Variants in ANKS1B observed in about 807,000 individuals in gnomAD.
The protein encoded by ANKS1B is ankyrin repeat and sterile alpha motif domain-containing protein 1B.
A neutral mutation model predicts 148.3 loss-of-function variants in ANKS1B; 36 were observed. That is an observed-to-expected ratio of 0.24 (90% confidence interval 0.19 to 0.32). ANKS1B has a LOEUF of 0.32. ANKS1B is among the 10% of genes least tolerant of loss of function. The probability of loss-of-function intolerance (pLI) is 1.00; values close to 1 mark genes in which losing one functional copy is unlikely to be tolerated. For synonymous variants in ANKS1B, 542 were observed against 560.8 expected (o/e 0.97, Z 0.47); for missense variants, 1,157 against 1,542.6 (o/e 0.75, Z 4.19).
chr12:99,675,852 A>C (rs114034833), intron 8 of ANKS1B, among the ~76,000 whole-genome samples: 156 of 152,284 alleles, frequency 1.0e-3, no homozygotes, highest in African/African-American at 3.7e-3. Context: ...AAATTTCATA[A>C]AATGTTATTG....
chr12:99,837,012 G>C (rs1037192359), intron 1 of ANKS1B, among the ~76,000 whole-genome samples: 3 of 152,140 alleles, frequency 2.0e-5, no homozygotes, highest in Admixed American at 6.6e-5. Context: ...TAAGGTTGCA[G>C]ATAGACTTAC....
intron 8 of ANKS1B, among the ~76,000 whole-genome samples, chr12:99,678,525 G>A (rs1599495621): frequency 6.6e-6 from 1 of 152,096 alleles, no homozygotes; most frequent in African/African-American, 2.4e-5. Flanking sequence ...CCACAAGCAA[G>A]GAGAGAAAAT....
chr12:99,956,966 C>A (rs768237568), intron 1 of ANKS1B, among the ~76,000 whole-genome samples: 3 of 152,202 alleles, frequency 2.0e-5, no homozygotes, highest in Admixed American at 1.3e-4. Context: ...TCAGATGCTA[C>A]AACTACGATT....
At chr12:98,834,867 T>C (rs1188319371) in intron 17 of ANKS1B, among the ~76,000 whole-genome samples, 2 of 152,168 alleles carry the variant, frequency 1.3e-5, no homozygotes, top group Admixed American at 6.5e-5. Context: ...AGAAAAAATA[T>C]GATAACCTTT....
intron 15 of ANKS1B, among the ~76,000 whole-genome samples, chr12:99,131,371 T>G (rs2066033597): frequency 6.6e-6 from 1 of 152,226 alleles, no homozygotes; most frequent in Non-Finnish European, 1.5e-5. Context: ...TGTCTTCCCC[T>G]TGGCACAAAA....
At chr12:99,490,892 T>G (rs541315984) in intron 10 of ANKS1B, among the ~76,000 whole-genome samples, 1 of 152,350 alleles carries the variant, frequency 6.6e-6, no homozygotes, top group East Asian at 1.9e-4. Flanking sequence ...AATAGTTAAA[T>G]ATGAGACTAC....
At chr12:99,456,502 C>T (rs1301893233) in intron 10 of ANKS1B, among the ~76,000 whole-genome samples, 1 of 151,900 alleles carries the variant, frequency 6.6e-6, no homozygotes, top group Non-Finnish European at 1.5e-5. Context: ...AGGTTAAGTG[C>T]AACTTAAAGA....
chr12:98,783,979 G>A (rs1471284833), intron 22 of ANKS1B, among the ~76,000 whole-genome samples: 2 of 152,328 alleles, frequency 1.3e-5, no homozygotes, highest in East Asian at 1.9e-4. Flanking sequence ...TTGGAGAACA[G>A]GAGGAGGCAC....
chr12:99,350,044 A>C (rs899940184), intron 12 of ANKS1B, among the ~76,000 whole-genome samples: 1 of 152,032 alleles, frequency 6.6e-6, no homozygotes, highest in Admixed American at 6.6e-5. Context: ...TGTAATCCTC[A>C]ATGTTGGAGG....
At chr12:99,618,364 G>GT (rs1244905049) in intron 9 of ANKS1B, among the ~76,000 whole-genome samples, 3 of 152,080 alleles carry the variant, frequency 2.0e-5, no homozygotes, top group Non-Finnish European at 4.4e-5. Flanking sequence ...TCTATACTGC[G>GT]TTTTTTCCCC....
At chr12:99,464,340 G>GA (rs1176515951) in intron 10 of ANKS1B, among the ~76,000 whole-genome samples, 1 of 152,080 alleles carries the variant, frequency 6.6e-6, no homozygotes, top group Non-Finnish European at 1.5e-5. Flanking sequence ...CAAAGATGGG[G>GA]AAAAAACAGA....
intron 17 of ANKS1B, among the ~76,000 whole-genome samples, chr12:98,835,652 G>C (rs2099358586): frequency 6.6e-6 from 1 of 152,168 alleles, no homozygotes; most frequent in Non-Finnish European, 1.5e-5. Flanking sequence ...GGTAAGCTGA[G>C]GCACTCCTCT....
At chr12:99,663,829 C>G (rs930297441) in intron 8 of ANKS1B, among the ~76,000 whole-genome samples, 1 of 152,148 alleles carries the variant, frequency 6.6e-6, no homozygotes, top group South Asian at 2.1e-4. Flanking sequence ...TTTAATAGTA[C>G]ATGAGACATT....
At chr12:99,891,612 G>A (rs980172081) in intron 1 of ANKS1B, among the ~76,000 whole-genome samples, 7 of 152,104 alleles carry the variant, frequency 4.6e-5, no homozygotes, top group African/African-American at 1.7e-4. Context: ...CTTCTTCAGT[G>A]AAATGTCTAT....
chr12:99,404,939 A>G (rs538047605), intron 11 of ANKS1B, among the ~76,000 whole-genome samples: 2 of 146,546 alleles, frequency 1.4e-5, no homozygotes, highest in South Asian at 4.2e-4. Context: ...ATGAAGCTCC[A>G]ATATGCTTGG....
chr12:98,913,375 C>T (rs1028230689), intron 17 of ANKS1B, among the ~76,000 whole-genome samples: 8 of 152,092 alleles, frequency 5.3e-5, no homozygotes, highest in Non-Finnish European at 1.0e-4. Flanking sequence ...CTTCTCTGGC[C>T]TCCCCTTCTC....
intron 1 of ANKS1B, among the ~76,000 whole-genome samples, chr12:99,900,505 C>CAAAA (rs71303560): frequency 3.0e-4 from 21 of 70,694 alleles, no homozygotes; most frequent in African/African-American, 4.7e-4. Context: ...GACTCCATCT[C>CAAAA]AAAAAAAAAA....
chr12:99,901,208 G>T (rs2093587945), intron 1 of ANKS1B, among the ~76,000 whole-genome samples: 1 of 152,042 alleles, frequency 6.6e-6, no homozygotes, highest in African/African-American at 2.4e-5. Flanking sequence ...ACACAGTTTT[G>T]GAATGAATGA....
chr12:99,219,242 C>T (rs1250802055), intron 14 of ANKS1B, among the ~76,000 whole-genome samples: 1 of 152,176 alleles, frequency 6.6e-6, no homozygotes, highest in Non-Finnish European at 1.5e-5. Context: ...ACAAAACTTG[C>T]AATTATAAAT....
Sources: allele counts gnomAD v4.1 joint callset (sites outside exome capture counted in the v4.1 genomes callset), GRCh38; gene constraint gnomAD v4.1.1; transcripts MANE v1.5; gene names NCBI Gene and HGNC (gene_info 2026-07-23, HGNC 2026-07-21).